CDH12: variants seen among roughly 807,000 people sequenced by gnomAD.
CDH12 encodes the protein cadherin 12, also known as cadherin-12.
CDH12 carries 41 observed loss-of-function variants against 74.1 expected under a neutral mutation model. The ratio of observed to expected loss-of-function variants is 0.55; its 90% confidence interval spans 0.43 to 0.72. The LOEUF (loss-of-function observed/expected upper bound fraction) is 0.72, where lower values mean the gene tolerates loss of function less well. Ranked by LOEUF, CDH12 falls within the 30% of genes least tolerant of loss-of-function variation. The pLI is 0.00. For missense variants in CDH12, 945 were observed against 977.2 expected, an observed-to-expected ratio of 0.97 and a Z score of 0.44; for synonymous variants, 399 against 355.0, an observed-to-expected ratio of 1.12 and a Z score of -1.39.
chr5:22,605,497 C>T (rs1737066152), intron 1 of CDH12, among the ~76,000 whole-genome samples: 1 of 152,168 alleles, frequency 6.6e-6, no homozygotes, highest in Non-Finnish European at 1.5e-5. Context: ...AGCTGAAGGG[C>T]TCCCTTAGAA....
intron 10 of CDH12, among the ~76,000 whole-genome samples, chr5:21,788,573 G>C (rs1265357558): frequency 6.6e-6 from 1 of 152,038 alleles, no homozygotes. Context: ...CAACTGAGAG[G>C]AATCACTGGT....
chr5:22,222,614 CAT>C (rs1275481875), intron 3 of CDH12, among the ~76,000 whole-genome samples: 4 of 151,428 alleles, frequency 2.6e-5, no homozygotes, highest in Non-Finnish European at 5.9e-5. Flanking sequence ...ATATCAAAAT[CAT>C]ATATTATTAA....
intron 1 of CDH12, among the ~76,000 whole-genome samples, chr5:22,646,688 T>C (rs1244207058): frequency 6.6e-6 from 1 of 151,850 alleles, no homozygotes; most frequent in Non-Finnish European, 1.5e-5. Flanking sequence ...TGCTTACACA[T>C]GGGGCTCAGA....
chr5:22,646,643 T>C (rs1739447584), intron 1 of CDH12, among the ~76,000 whole-genome samples: 1 of 151,862 alleles, frequency 6.6e-6, no homozygotes, highest in Non-Finnish European at 1.5e-5. Context: ...AGTGCAAGAT[T>C]ATAGATAAAA....
At chr5:22,187,416 C>A (rs900434999) in intron 4 of CDH12, among the ~76,000 whole-genome samples, 1 of 152,158 alleles carries the variant, frequency 6.6e-6, no homozygotes, top group African/African-American at 2.4e-5. Context: ...TTCCCAGCAA[C>A]TGAAAGTTTT....
intron 3 of CDH12, among the ~76,000 whole-genome samples, chr5:22,270,959 C>A (rs1736373213): frequency 6.6e-6 from 1 of 152,126 alleles, no homozygotes; most frequent in South Asian, 2.1e-4. Flanking sequence ...AGATGTGAGC[C>A]ACCACGCCCG....
chr5:22,801,444 C>CT (rs1189258337), intron 1 of CDH12, among the ~76,000 whole-genome samples: 1 of 151,634 alleles, frequency 6.6e-6, no homozygotes, highest in African/African-American at 2.4e-5. Context: ...GGTTTTTTGC[C>CT]TTTTTAAGTC....
At chr5:22,510,141 T>G (rs1405973492) in intron 1 of CDH12, among the ~76,000 whole-genome samples, 1 of 152,156 alleles carries the variant, frequency 6.6e-6, no homozygotes, top group East Asian at 1.9e-4. Context: ...AATACACATT[T>G]AAAGCCTTCA....
rs577583207 is a variant in CDH12 at position 22,620,492 on chromosome 5, T to C, written c.-522-115128A>G. On this transcript the variant is annotated intron_variant, in intron 1 of 14. Transcript: ENST00000382254. ...AAAGAATTATAATATATGGAAGAGA[T>C]TAGTGCACTCTCTGACCAATTGTTT... Among the ~76,000 whole-genome samples, 41 of 152,000 alleles carry C rather than the reference T, an allele frequency of 2.7e-4. 1 individual carries two copies. The South Asian group carries it at 8.3e-3, about 31-fold the overall frequency.
chr5:21,831,076 A>C (rs920598487), intron 8 of CDH12, among the ~76,000 whole-genome samples: 18 of 151,128 alleles, frequency 1.2e-4, no homozygotes, highest in Non-Finnish European at 2.1e-4. Flanking sequence ...ACAAAAAAAA[A>C]CCAAGCAAAC....
intron 1 of CDH12, among the ~76,000 whole-genome samples, chr5:22,571,759 G>A (rs1357839727): frequency 1.3e-5 from 2 of 152,154 alleles, no homozygotes; most frequent in East Asian, 1.9e-4. Context: ...GGAAGACCCA[G>A]GGAGAGGGAG....
intron 2 of CDH12, among the ~76,000 whole-genome samples, chr5:22,483,293 C>T (rs1049684954): frequency 2.0e-5 from 3 of 151,998 alleles, no homozygotes; most frequent in African/African-American, 7.2e-5. Flanking sequence ...TACTTAGAGA[C>T]ACAAATTTTA....
chr5:22,820,944 T>C (rs1352734228), intron 1 of CDH12, among the ~76,000 whole-genome samples: 5 of 152,160 alleles, frequency 3.3e-5, no homozygotes, highest in Non-Finnish European at 7.4e-5. Flanking sequence ...AAGAGAATTT[T>C]AGACCAATAC....
At chr5:22,752,336 T>C (rs928312251) in intron 1 of CDH12, among the ~76,000 whole-genome samples, 1 of 151,706 alleles carries the variant, frequency 6.6e-6, no homozygotes, top group African/African-American at 2.4e-5. Flanking sequence ...ACTTCAATAA[T>C]TAGGCTTTCA....
intron 2 of CDH12, among the ~76,000 whole-genome samples, chr5:22,490,319 T>C (rs1261262): frequency 0.94 from 143,135 of 152,192 alleles, 67,403 homozygotes; most frequent in Admixed American, 0.97. Context: ...ATAATATTGC[T>C]TTCACTCCTT....
At chr5:22,260,097 T>C (rs1347847972) in intron 3 of CDH12, among the ~76,000 whole-genome samples, 3 of 152,082 alleles carry the variant, frequency 2.0e-5, no homozygotes. Flanking sequence ...TCCTTTACAA[T>C]TGGATCATAT....
chr5:21,937,648 G>T (rs1755134045), intron 6 of CDH12, among the ~76,000 whole-genome samples: 1 of 152,140 alleles, frequency 6.6e-6, no homozygotes, highest in African/African-American at 2.4e-5. Context: ...AAAGAGTTCA[G>T]CCCCAGACTC....
At chr5:21,824,887 C>T (rs543616914) in intron 8 of CDH12, among the ~76,000 whole-genome samples, 358 of 152,270 alleles carry the variant, frequency 2.4e-3, no homozygotes, top group Non-Finnish European at 3.7e-3. Flanking sequence ...GGCACAGTGG[C>T]TCAAGTCTGT....
At chr5:22,082,996 A>G (rs753009744) in intron 4 of CDH12, among the ~76,000 whole-genome samples, 1 of 152,116 alleles carries the variant, frequency 6.6e-6, no homozygotes, top group Non-Finnish European at 1.5e-5. Context: ...TTATTTAGCA[A>G]TAGTTTATTT....
Sources: allele counts gnomAD v4.1 joint callset (sites outside exome capture counted in the v4.1 genomes callset), GRCh38; gene constraint gnomAD v4.1.1; transcripts MANE v1.5; gene names NCBI Gene and HGNC (gene_info 2026-07-23, HGNC 2026-07-21).